The following GGT1 variants were observed in gnomAD, a reference collection of about 807,000 sequenced individuals.
GGT1 encodes glutathione hydrolase 1 proenzyme.
Under a neutral mutation model 56.0 loss-of-function variants are expected in GGT1, and 21 were observed. The ratio of observed to expected loss-of-function variants is 0.38; its 90% CI spans 0.27 to 0.54. The LOEUF (loss-of-function observed/expected upper bound fraction) is 0.54, where lower values mean the gene tolerates loss of function less well. GGT1 is among the 20% of genes least tolerant of loss of function. The pLI, the probability that GGT1 is intolerant of heterozygous loss-of-function variation, is 0.82. For synonymous variants in GGT1, 238 were observed against 342.6 expected, an observed-to-expected ratio of 0.69 and a Z score of 3.37; for missense variants, 466 against 787.0, an observed-to-expected ratio of 0.59 and a Z score of 4.88.
chr22:24,590,536 T>C (rs2045538234), upstream of GGT1, among the ~76,000 whole-genome samples: 1 of 152,172 alleles, frequency 6.6e-6, no homozygotes, highest in Non-Finnish European at 1.5e-5. Context: ...CACTGCCTTC[T>C]CTGGGGTTAG....
At chr22:24,615,610 C>A (rs1027316274) in intron 7 of GGT1, among the ~76,000 whole-genome samples, 1 of 152,152 alleles carries the variant, frequency 6.6e-6, no homozygotes, top group Admixed American at 6.5e-5. Context: ...CTGTCTATAC[C>A]GTGCCTTTTC....
chr22:24,617,837 A>G (rs1332223455), intron 7 of GGT1, among the ~76,000 whole-genome samples: 2 of 151,942 alleles, frequency 1.3e-5, no homozygotes, highest in Non-Finnish European at 2.9e-5. Context: ...TCAGATGTCA[A>G]GCAGACCACC....
upstream of GGT1, chr22:24,590,084 A>C: frequency 9.2e-7 from 1 of 1,088,322 alleles, no homozygotes; most frequent in Non-Finnish European, 1.3e-6. Flanking sequence ...GATTCTCCCC[A>C]CAGGCGGCCA....
At chr22:24,607,899 C>A in intron 1 of GGT1, 55 bp from the exon 2 acceptor site, 1 of 431,476 alleles carries the variant, frequency 2.3e-6, no homozygotes, top group Non-Finnish European at 4.8e-6. Context: ...GGGGGCCCAG[C>A]CAGTTCTGTG....
rs772594915 is a variant in GGT1, at chr22:24,627,997, GGGGGTGGGGGACT to G, written c.1336+26_1336+38del. The G allele has an allele frequency of 3.1e-6, 5 of 1,612,152 alleles. No homozygotes were observed. The East Asian group carries it at 6.7e-5, about 22-fold the overall frequency. ...CCAGCCAGGTATGGGGTGGAGGTCC[GGGGGTGGGGGACT>G]GGGGTGGAGAGGGGCGGGTGTCCTG... On this transcript the variant is annotated intron_variant, in intron 13 of 15. Coordinates refer to ENST00000400382, the MANE Select transcript of GGT1 (RefSeq NM_001288833.2).
upstream of GGT1, chr22:24,593,105 G>A: frequency 9.7e-7 from 1 of 1,031,150 alleles, no homozygotes; most frequent in Non-Finnish European, 1.2e-6. Context: ...TCCCGGGGCC[G>A]CCCCTAGTCG....
chr22:24,611,189 T>C lies in GGT1; in HGVS notation c.108T>C (p.His36=), dbSNP rs1181559521. The C allele has an allele frequency of 1.9e-6, 3 of 1,590,528 alleles. No homozygotes were observed. The highest frequency in any genetic ancestry group is 2.7e-5 in the African/African-American group (2 of 74,494). ...LPSASKEPDN[H]VYTRAAVAAD... ...CAGCCTCCAAGGAACCTGACAACCA[T>C]GTGTACACCAGGGCTGCCGTGGCCG... The change falls in exon 5 of 16, where the codon CAT becomes CAC. Residue 36 remains histidine, a synonymous_variant. Transcript: ENST00000400382.
intron 1 of GGT1, among the ~76,000 whole-genome samples, chr22:24,596,105 T>TAGGC (rs1332429389): frequency 6.6e-6 from 1 of 152,160 alleles, no homozygotes; most frequent in Non-Finnish European, 1.5e-5. Context: ...GAGGCTGTAG[T>TAGGC]AGGCAGCAGA....
In GGT1 at chr22:24,620,452, C is replaced by T. The variant is rs200615018; in HGVS notation, c.507C>T (p.Pro169=). ...TCCAGCTGGCCCGCCAGGGCTTCCC[C>T]GTGGGCAAGGGCTTGGCGGCAGCCC... ...PSIQLARQGF[P]VGKGLAAALE... The change falls in exon 8 of 16, where the codon CCC becomes CCT. Residue 169 remains proline (P), a synonymous_variant. Transcript: ENST00000400382. The surrounding 1 kb of genome is among the most constrained non-coding windows in gnomAD (Gnocchi z 5.6). The T allele has an allele frequency of 2.2e-4, 361 of 1,611,840 alleles. No individual in the cohort carries two copies. Among genetic ancestry groups the T allele is most frequent in the Middle Eastern group, 4.5e-4 (2 of 4,430 alleles).
rs750720586 is a variant in GGT1, at chr22:24,614,731, G to A, written c.165-45G>A. On this transcript the variant is annotated intron_variant, in intron 5 of 15. Coordinates refer to ENST00000400382, the MANE Select transcript of GGT1 (RefSeq NM_001288833.2). ...CAGCAGGGTGTGTATGCGGGGCCAG[G>A]GTGGAAGCCTGCAGGTTCTCATGCC... 2.5e-6 allele frequency: 4 copies of A among 1,604,906 alleles called. No individual in the cohort carries two copies. In the Admixed American group the frequency reaches 5.0e-5, roughly 20 times the overall value.
Position 24,628,204 on chromosome 22 carries a change from C to T in GGT1, c.1449+11C>T, listed in dbSNP as rs1443284957. The T allele has an allele frequency of 6.2e-7, 1 of 1,612,052 alleles. No individual in the cohort carries two copies. The highest frequency in any genetic ancestry group is 1.3e-5 in the African/African-American group (1 of 74,986). Reference sequence around the variant, plus strand: ...ACGGCCACTGCACTGGTATGTGTCACACCTTTTCTCCCTGGCCGTGCCCAC... The same window carrying T: ...ACGGCCACTGCACTGGTATGTGTCATACCTTTTCTCCCTGGCCGTGCCCAC... On this transcript the variant is annotated intron_variant, in intron 14 of 15. Transcript: ENST00000400382. The surrounding 1 kb of genome is among the most constrained non-coding windows in gnomAD (Gnocchi z 5.7).
At chr22:24,586,099 G>A in the GGT1 span, 4 of 1,612,572 alleles carry the variant, frequency 2.5e-6, no homozygotes, top group Non-Finnish European at 2.5e-6. Context: ...TGTTGCCCAG[G>A]TCCACCCAAG....
intron 10 of GGT1, 57 bp downstream of exon 10, chr22:24,623,313 C>G: frequency 7.0e-7 from 1 of 1,430,124 alleles, no homozygotes; most frequent in Non-Finnish European, 9.6e-7. Flanking sequence ...TCTCTCTCCC[C>G]ACGCCCCACC....
At chr22:24,593,092 C>G (rs372869454), upstream of GGT1, 451 of 1,034,532 alleles carry the variant, frequency 4.4e-4, 1 homozygote, top group South Asian at 3.9e-3. Flanking sequence ...GTCTGCGCCC[C>G]GCTCCCGGGG....
chr22:24,601,365 T>G (rs955380710), upstream of GGT1, among the ~76,000 whole-genome samples: 4 of 151,898 alleles, frequency 2.6e-5, no homozygotes, highest in African/African-American at 9.7e-5. Context: ...GTTGTCAGCT[T>G]CTTGGACCTG....
chr22:24,627,693 A>T (rs879065436), intron 12 of GGT1, 74 bp downstream of exon 12: 1 of 1,559,874 alleles, frequency 6.4e-7, no homozygotes, highest in Non-Finnish European at 8.7e-7. Flanking sequence ...CTTATCCAGT[A>T]AGGTGGCTCC....
intron 3 of GGT1, 83 bp downstream of exon 3, chr22:24,610,116 C>T: frequency 2.4e-6 from 1 of 415,456 alleles, no homozygotes; most frequent in South Asian, 1.7e-5. Flanking sequence ...ACATGCACAT[C>T]CTGGGCTTCT....
chr22:24,586,513 C>A, the GGT1 span: 2 of 1,230,846 alleles, frequency 1.6e-6, no homozygotes, highest in Non-Finnish European at 2.3e-6. Context: ...TACAGTCTGG[C>A]AAAGCCAGAT....
At chr22:24,609,703 C>T (rs2046543632) in intron 2 of GGT1, 1 of 296,666 alleles carries the variant, frequency 3.4e-6, no homozygotes, top group Non-Finnish European at 7.2e-6. Context: ...AGAGGGGAAC[C>T]CCAACCTCTG....
Sources: allele counts gnomAD v4.1 joint callset (sites outside exome capture counted in the v4.1 genomes callset), GRCh38; gene constraint gnomAD v4.1.1; non-coding constraint Gnocchi (gnomAD v3.1); transcripts MANE v1.5; gene names NCBI Gene and HGNC (gene_info 2026-07-23, HGNC 2026-07-21).